Variants in TJP1 observed in about 807,000 individuals in gnomAD.
TJP1 encodes the protein tight junction protein 1.
In TJP1, 43 loss-of-function variants were observed where a neutral mutation model predicts 194.2. The observed-to-expected ratio is 0.22, with a 90% CI of 0.17 to 0.29. The LOEUF is 0.29. Among genes scored for constraint, TJP1 ranks in the 10% least tolerant of loss-of-function variants. TJP1 has a pLI of 1.00. For synonymous variants in TJP1, 801 were observed against 779.0 expected, an observed-to-expected ratio of 1.03 and a Z score of -0.47; for missense variants, 1,971 against 2,185.7, an observed-to-expected ratio of 0.90 and a Z score of 1.96.
chr15:29,751,168 G>C (rs543163497), intron 8 of TJP1, among the ~76,000 whole-genome samples: 1 of 152,210 alleles, frequency 6.6e-6, no homozygotes, highest in Non-Finnish European at 1.5e-5. Flanking sequence ...GGATGAGAAA[G>C]CAAGAGATAC....
rs1465497879 is a variant in TJP1, at chr15:29,734,340, C to T, written c.1450G>A (p.Val484Ile). ...DFTNIIREEA[V>I]LFLLDLPKGE... ...TTAGGGAGGTCAAGCAGGAAAAGGA[C>T]GGCTTCTTCTCTTATGATATTTGTA... Residue 484 changes from valine (V) to isoleucine (I), a missense_variant, in exon 12 of 28, where the codon GTC becomes ATC. Val to Ile is a conservative substitution (Grantham distance 29). Coordinates refer to ENST00000614355, the MANE Select transcript of TJP1 (RefSeq NM_001330239.4). The T allele has an allele frequency of 9.9e-6, 16 of 1,613,278 alleles. No individual in the cohort carries two copies. Among genetic ancestry groups the T allele is most frequent in the Non-Finnish European group, 1.4e-5 (16 of 1,179,758 alleles).
chr15:29,718,853 T>C lies in TJP1; in HGVS notation c.3289A>G (p.Lys1097Glu), dbSNP rs2042750356. 1.4e-5 allele frequency: 22 copies of C among 1,614,100 alleles called. No homozygotes were observed. Among genetic ancestry groups the C allele is most frequent in the Non-Finnish European group, 1.8e-5 (21 of 1,180,044 alleles). ...GGTGGCCGAGATGGGTAGGGCTGTT[T>C]GTCATCATAATATGACCACTGTTCT... ...YEEQWSYYDD[K>E]QPYPSRPPFD... The change falls in exon 21 of 28, where the codon AAA (lysine) becomes GAA (glutamate). Residue 1097 changes from lysine to glutamate, a missense_variant. Physicochemically the swap from Lys to Glu is moderately conservative, Grantham distance 56. Around this residue, in one of 5 missense-constraint regions of TJP1, gnomAD observed 1,108 missense variants for 1,128.5 expected, o/e 0.98. Transcript: ENST00000614355.
intron 2 of TJP1, among the ~76,000 whole-genome samples, chr15:29,949,526 A>ACCT (rs2055501162): frequency 1.8e-5 from 2 of 111,556 alleles, no homozygotes; most frequent in Non-Finnish European, 3.8e-5. Context: ...CTCCACCACC[A>ACCT]CCACCTCCAC....
At chr15:29,809,707 A>G (rs923166412) in intron 1 of TJP1, among the ~76,000 whole-genome samples, 1 of 152,120 alleles carries the variant, frequency 6.6e-6, no homozygotes, top group African/African-American at 2.4e-5. Flanking sequence ...TTAGCCAGGC[A>G]TGGTGGCAGA....
chr15:29,785,799 T>C (rs975123801), intron 2 of TJP1, among the ~76,000 whole-genome samples: 3 of 152,176 alleles, frequency 2.0e-5, no homozygotes, highest in Non-Finnish European at 4.4e-5. Context: ...GCCACTGAGA[T>C]CACAGAATTT....
At chr15:29,862,191 T>A (rs1479998992) in intron 2 of TJP1, among the ~76,000 whole-genome samples, 1 of 152,066 alleles carries the variant, frequency 6.6e-6, no homozygotes, top group African/African-American at 2.4e-5. Context: ...TACTTTGTGT[T>A]GAGAATAAAA....
rs1267400249 is a variant in TJP1 at position 29,701,784 on chromosome 15, A to G, written c.5213-95T>C. ...AGGGCAAATACGTATATTTAGACAT[A>G]ATTTTCTTCTGTTTCTTCAGCATAT... On this transcript the variant is annotated intron_variant, in intron 27 of 27. Coordinates refer to ENST00000614355, the MANE Select transcript of TJP1 (RefSeq NM_001330239.4). 1.2e-5 allele frequency: 10 copies of G among 864,854 alleles called. No homozygotes were observed. In the East Asian group the frequency reaches 2.6e-4, roughly 22 times the overall value. 53.6% of individuals were successfully genotyped at this position (864,854 alleles called of 1,614,324 possible).
intron 2 of TJP1, among the ~76,000 whole-genome samples, chr15:29,878,513 T>C (rs1181771541): frequency 2.0e-5 from 3 of 152,152 alleles, no homozygotes; most frequent in Admixed American, 2.0e-4. Context: ...GTCAGATCAT[T>C]CTGATATAAT....
intron 2 of TJP1, among the ~76,000 whole-genome samples, chr15:29,938,895 GC>G (rs371720411): frequency 2.5e-4 from 38 of 152,344 alleles, no homozygotes; most frequent in African/African-American, 8.4e-4. Flanking sequence ...AGAAAGCCCT[GC>G]CCCCATGTGG....
At chr15:29,727,312 C>T (rs1027762589) in intron 16 of TJP1, among the ~76,000 whole-genome samples, 2 of 152,132 alleles carry the variant, frequency 1.3e-5, no homozygotes, top group African/African-American at 4.8e-5. Flanking sequence ...CCACTGCAGT[C>T]CCACCTGGGC....
At chr15:29,929,699 A>G (rs554143135) in intron 2 of TJP1, among the ~76,000 whole-genome samples, 1 of 152,300 alleles carries the variant, frequency 6.6e-6, no homozygotes. Flanking sequence ...TCTGTCTCAA[A>G]ATAAAATTAA....
chr15:29,815,645 G>A (rs936338385), intron 1 of TJP1, among the ~76,000 whole-genome samples: 1 of 152,174 alleles, frequency 6.6e-6, no homozygotes, highest in Non-Finnish European at 1.5e-5. Context: ...CTGGACTCAT[G>A]GTCTTTCAGT....
At chr15:29,939,827 A>G (rs576079448) in intron 2 of TJP1, among the ~76,000 whole-genome samples, 1 of 152,194 alleles carries the variant, frequency 6.6e-6, no homozygotes, top group Non-Finnish European at 1.5e-5. Context: ...ATGTCTGTCT[A>G]CCAGGAAGTG....
At chr15:29,773,906 T>C (rs1020681283) in intron 2 of TJP1, among the ~76,000 whole-genome samples, 68 of 152,348 alleles carry the variant, frequency 4.5e-4, no homozygotes, top group African/African-American at 1.5e-3. Context: ...TGAACTAACA[T>C]TGTAAAATTA....
intron 1 of TJP1, among the ~76,000 whole-genome samples, chr15:29,807,181 T>C (rs752199925): frequency 9.9e-5 from 15 of 152,192 alleles, no homozygotes; most frequent in African/African-American, 1.4e-4. Flanking sequence ...TAGGAAATAT[T>C]AGTCGGAAAG....
intron 8 of TJP1, among the ~76,000 whole-genome samples, chr15:29,749,153 T>A (rs935625521): frequency 6.6e-6 from 1 of 151,996 alleles, no homozygotes; most frequent in African/African-American, 2.4e-5. Context: ...CTGTTGTTTT[T>A]TTTTTTTTGT....
chr15:29,897,185 A>C (rs762480335), intron 2 of TJP1, among the ~76,000 whole-genome samples: 36 of 152,182 alleles, frequency 2.4e-4, no homozygotes, highest in Admixed American at 4.6e-4. Flanking sequence ...CAGGGTCCCC[A>C]TACTGTGTGC....
intron 1 of TJP1, among the ~76,000 whole-genome samples, chr15:29,959,076 G>T (rs964998237): frequency 6.6e-6 from 1 of 150,914 alleles, no homozygotes; most frequent in Non-Finnish European, 1.5e-5. Context: ...TGCAAGCTCC[G>T]TCTCCTGGGT....
intron 2 of TJP1, among the ~76,000 whole-genome samples, chr15:29,835,239 T>A (rs1211299124): frequency 6.6e-6 from 1 of 152,230 alleles, no homozygotes; most frequent in African/African-American, 2.4e-5. Context: ...ATACTTTGTT[T>A]CCATGAAAAG....
Sources: allele counts gnomAD v4.1 joint callset (sites outside exome capture counted in the v4.1 genomes callset), GRCh38; gene constraint gnomAD v4.1.1; regional missense constraint gnomAD v4.1.1; transcripts MANE v1.5; gene names NCBI Gene and HGNC (gene_info 2026-07-23, HGNC 2026-07-21).